Variants in KREMEN1 observed in about 807,000 individuals in gnomAD.
The protein encoded by KREMEN1 is kremen protein 1.
Under a neutral mutation model 46.5 loss-of-function variants are expected in KREMEN1, and 30 were observed. The observed-to-expected ratio is 0.65, with a 90% CI of 0.48 to 0.88. The LOEUF is 0.88. Ranked by LOEUF, KREMEN1 falls within the 40% of genes least tolerant of loss-of-function variation. The pLI is 0.00. For missense variants in KREMEN1, 533 were observed against 596.9 expected (o/e 0.89, Z 1.11); for synonymous variants, 214 against 230.6 (o/e 0.93, Z 0.65).
chr22:29,109,456 T>C (rs1204790914), intron 3 of KREMEN1, among the ~76,000 whole-genome samples: 1 of 152,182 alleles, frequency 6.6e-6, no homozygotes, highest in Non-Finnish European at 1.5e-5. Context: ...GGTAGAGTGT[T>C]GTGAGTTTCT....
chr22:29,161,879 G>A (rs2039014443), intron 9 of KREMEN1, among the ~76,000 whole-genome samples: 1 of 152,144 alleles, frequency 6.6e-6, no homozygotes, highest in South Asian at 2.1e-4. Flanking sequence ...ACTTTGGGAG[G>A]CTGAGGTGGA....
intron 1 of KREMEN1, among the ~76,000 whole-genome samples, chr22:29,087,264 A>G (rs539354656): frequency 3.7e-4 from 56 of 152,292 alleles, no homozygotes; most frequent in African/African-American, 1.3e-3. Flanking sequence ...GATTCTTCCA[A>G]CATAAGATCA....
At position 29,145,632 on chromosome 22, in the gene KREMEN1, C is replaced by G; in HGVS notation, c.*3520C>G. 3 of 985,532 alleles carry G rather than the reference C, an allele frequency of 3.0e-6. No homozygotes were observed. Among genetic ancestry groups the G allele is most frequent in the Non-Finnish European group, 3.6e-6 (3 of 830,008 alleles). The allele number at this position is 985,532 out of a possible 1,614,324, so 61.0% of individuals were successfully genotyped here. ...AAGGCAGGCGGGAGGCACACGGTGC[C>G]CTGTTCTTCCCCGTTTGTCCAGTTG... On this transcript the variant is annotated 3_prime_UTR_variant, in exon 9 of 9. Transcript: ENST00000400335.
chr22:29,146,684 G>C lies in KREMEN1; in HGVS notation c.*4572G>C, dbSNP rs1440302971. The C allele has an allele frequency of 2.2e-6, 2 of 925,828 alleles. No homozygotes were observed. Among genetic ancestry groups the C allele is most frequent in the South Asian group, 1.0e-4 (2 of 20,054 alleles). The allele number at this position is 925,828 out of a possible 1,614,324, so 57.4% of individuals were successfully genotyped here. ...TTTAAAATATAAGATGAAGTGTGACGCACTGTATACAATTTAATATATATT... is the reference window on the plus strand; with the variant it reads ...TTTAAAATATAAGATGAAGTGTGACCCACTGTATACAATTTAATATATATT... On this transcript the variant is annotated 3_prime_UTR_variant, in exon 9 of 9. Transcript: ENST00000400335.
intron 3 of KREMEN1, among the ~76,000 whole-genome samples, chr22:29,119,915 G>T (rs1569325451): frequency 6.6e-6 from 1 of 152,220 alleles, no homozygotes; most frequent in Non-Finnish European, 1.5e-5. Flanking sequence ...AGATTATCCA[G>T]GTGAGACCAA....
chr22:29,075,947 T>C (rs1371973805), intron 1 of KREMEN1, among the ~76,000 whole-genome samples: 1 of 152,244 alleles, frequency 6.6e-6, no homozygotes, highest in East Asian at 1.9e-4. Flanking sequence ...TTACAATGTG[T>C]AGCCAACCCC....
chr22:29,129,592 G>A (rs1262768031), intron 5 of KREMEN1, among the ~76,000 whole-genome samples: 1 of 152,200 alleles, frequency 6.6e-6, no homozygotes, highest in African/African-American at 2.4e-5. Context: ...TGGCTCGCAT[G>A]TGGGTCTCAG....
chr22:29,162,947 G>A (rs1004074617), intron 9 of KREMEN1, among the ~76,000 whole-genome samples: 1 of 152,144 alleles, frequency 6.6e-6, no homozygotes, highest in Admixed American at 6.6e-5. Context: ...ATTAAATCAT[G>A]TACTTTGCAG....
At chr22:29,115,324 T>C (rs2038220557) in intron 3 of KREMEN1, among the ~76,000 whole-genome samples, 1 of 152,098 alleles carries the variant, frequency 6.6e-6, no homozygotes, top group South Asian at 2.1e-4. Context: ...GACTACAAAT[T>C]GAGTGCAGTG....
At chr22:29,090,624 TATATTCA>T (rs888227368) in intron 1 of KREMEN1, among the ~76,000 whole-genome samples, 4 of 152,210 alleles carry the variant, frequency 2.6e-5, no homozygotes, top group Non-Finnish European at 5.9e-5. Context: ...GTTCTAGGTA[TATATTCA>T]AAGGAAATAA....
At chr22:29,093,629 G>C (rs75791229) in intron 1 of KREMEN1, among the ~76,000 whole-genome samples, 1 of 152,042 alleles carries the variant, frequency 6.6e-6, no homozygotes, top group African/African-American at 2.4e-5. Context: ...ATGCCAGCCC[G>C]GCCCTTCCTC....
At position 29,164,670 on chromosome 22, in the gene KREMEN1, C is replaced by T. The variant is rs1426143986; in HGVS notation, c.1417-2374C>T. Among the ~76,000 whole-genome samples the T allele has an allele frequency of 5.2e-5, 7 of 135,658 alleles. No individual in the cohort carries two copies. The East Asian group carries it at 8.5e-4, about 16-fold the overall frequency. The allele number at this position is 135,658 out of a possible 152,430, so 89.0% of individuals were successfully genotyped here. A position where few individuals can be genotyped will look rare whatever the true frequency, so the allele number is the denominator to read the frequency against. ...CTGAGGCAGGAGAATCACTTGAACC[C>T]GGGAGGCAGAGGTTGCAGTGAGCCA... On this transcript the variant is annotated intron_variant, in intron 9 of 9. Transcript: ENST00000327813.
rs986785512 is a variant in KREMEN1, at chr22:29,138,596, C to A, written c.965-28C>A. ...CTCTTTGTTGTCTCCATAGCCCTGTCCCCAGTTAATTGCTTTTTCTCTTCC... is the reference window on the plus strand; with the variant it reads ...CTCTTTGTTGTCTCCATAGCCCTGTACCCAGTTAATTGCTTTTTCTCTTCC... On this transcript the variant is annotated intron_variant, in intron 6 of 8. Coordinates refer to ENST00000400335, the MANE Select transcript of KREMEN1 (RefSeq NM_001039570.3). 1.2e-6 allele frequency: 2 copies of A among 1,604,088 alleles called. 1 individual carries two copies. Among genetic ancestry groups the A allele is most frequent in the South Asian group, 2.2e-5 (2 of 90,872 alleles).
chr22:29,166,708 G>A (rs561055396), intron 9 of KREMEN1, among the ~76,000 whole-genome samples: 1 of 152,292 alleles, frequency 6.6e-6, no homozygotes, highest in South Asian at 2.1e-4. Flanking sequence ...GGAATCCGAG[G>A]TGGAAGGATC....
intron 9 of KREMEN1, among the ~76,000 whole-genome samples, chr22:29,165,311 G>A (rs969646400): frequency 6.6e-6 from 1 of 152,080 alleles, no homozygotes; most frequent in East Asian, 1.9e-4. Context: ...GCTGAGACGG[G>A]AGATTCCTTG....
At chr22:29,111,148 T>TA (rs930075719) in intron 3 of KREMEN1, among the ~76,000 whole-genome samples, 1 of 150,092 alleles carries the variant, frequency 6.7e-6, no homozygotes, top group Non-Finnish European at 1.5e-5. Flanking sequence ...CTCTACAAGA[T>TA]ACACAAATAA....
At chr22:29,076,992 A>G (rs1176263577) in intron 1 of KREMEN1, among the ~76,000 whole-genome samples, 1 of 152,254 alleles carries the variant, frequency 6.6e-6, no homozygotes, top group African/African-American at 2.4e-5. Flanking sequence ...TACAGATATT[A>G]TTGATAAACT....
At chr22:29,107,663 C>T (rs544940884) in intron 3 of KREMEN1, among the ~76,000 whole-genome samples, 1 of 152,080 alleles carries the variant, frequency 6.6e-6, no homozygotes, top group Admixed American at 6.5e-5. Context: ...GTGGGAGGAT[C>T]GCTAGAGCCA....
At chr22:29,131,560 A>ATATGTGTGTGTG (rs1240832937) in intron 5 of KREMEN1, among the ~76,000 whole-genome samples, 8 of 69,934 alleles carry the variant, frequency 1.1e-4, no homozygotes, top group Admixed American at 4.5e-4. Context: ...ATATATATAT[A>ATATGTGTGTGTG]TGTGTGTGTG....
Sources: gnomAD v4.1 joint callset for allele counts (sites outside exome capture counted in the v4.1 genomes callset) on GRCh38, gnomAD v4.1.1 for gene constraint, MANE v1.5 for transcripts, NCBI Gene and HGNC (gene_info 2026-07-23, HGNC 2026-07-21) for gene names.